The following NR5A2 variants were observed in gnomAD, a reference collection of about 807,000 sequenced individuals.
NR5A2 encodes the protein CYP7A promoter-binding factor.
Under a neutral mutation model 62.7 loss-of-function variants are expected in NR5A2, and 26 were observed. The ratio of observed to expected loss-of-function variants is 0.41; its 90% confidence interval spans 0.30 to 0.58. NR5A2 has a LOEUF of 0.58. Among genes scored for constraint, NR5A2 ranks in the 20% least tolerant of loss-of-function variants. NR5A2 has a pLI of 0.22. For synonymous variants in NR5A2, 246 were observed against 241.7 expected (o/e 1.02, Z -0.16); for missense variants, 541 against 669.1 (o/e 0.81, Z 2.11).
At chr1:200,088,050 C>T (rs966933132) in intron 5 of NR5A2, among the ~76,000 whole-genome samples, 1 of 151,982 alleles carries the variant, frequency 6.6e-6, no homozygotes, top group Admixed American at 6.6e-5. Flanking sequence ...CATGCCCGGC[C>T]CCTTGCTAAC....
intron 5 of NR5A2, among the ~76,000 whole-genome samples, chr1:200,099,716 C>T (rs1665275946): frequency 6.6e-6 from 1 of 152,164 alleles, no homozygotes; most frequent in African/African-American, 2.4e-5. Context: ...GCCTCAGCCT[C>T]CCAAATAGCT....
Position 200,048,162 on chromosome 1 carries a change from C to T in NR5A2, c.464-10C>T. The T allele has an allele frequency of 6.3e-7, 1 of 1,583,774 alleles. No individual in the cohort carries two copies. Among genetic ancestry groups the T allele is most frequent in the Non-Finnish European group, 8.6e-7 (1 of 1,163,800 alleles). On this transcript the variant is annotated splice_polypyrimidine_tract_variant and intron_variant, in intron 4 of 7. Transcript: ENST00000367362. The surrounding 1 kb of genome is among the most constrained non-coding windows in gnomAD (Gnocchi z 4.8). ...CCTTTCCTTCCTTCCCCCCACCCCA[C>T]CCCCAACAGCTGTAAGGGCCGACCG...
At chr1:200,072,243 A>G (rs1299520448) in intron 5 of NR5A2, among the ~76,000 whole-genome samples, 14 of 152,042 alleles carry the variant, frequency 9.2e-5, no homozygotes, top group Non-Finnish European at 2.1e-4. Context: ...CTTGTATTCC[A>G]GCAAGCAATT....
intron 7 of NR5A2, among the ~76,000 whole-genome samples, chr1:200,170,523 T>A (rs1654123451): frequency 6.6e-6 from 1 of 152,212 alleles, no homozygotes; most frequent in Non-Finnish European, 1.5e-5. Flanking sequence ...GGAGGTGTTA[T>A]CATTTGTATT....
At chr1:200,129,158 C>A (rs895442735) in intron 7 of NR5A2, among the ~76,000 whole-genome samples, 2 of 152,096 alleles carry the variant, frequency 1.3e-5, no homozygotes, top group Non-Finnish European at 2.9e-5. Flanking sequence ...CCAGTCAGGA[C>A]CTCTGCCCAG....
chr1:200,144,233 TCACACACACACA>T (rs60365337), intron 7 of NR5A2, among the ~76,000 whole-genome samples: 14 of 80,028 alleles, frequency 1.7e-4, no homozygotes, highest in Non-Finnish European at 3.4e-4. Context: ...TCTCTCTCTC[TCACACACACACA>T]CACACACACA....
chr1:200,128,168 G>C (rs1002125748), intron 7 of NR5A2, among the ~76,000 whole-genome samples: 6 of 152,056 alleles, frequency 3.9e-5, no homozygotes, highest in Non-Finnish European at 5.9e-5. Context: ...CCCGCAGTCG[G>C]CCCTGCAGAA....
intron 1 of NR5A2, among the ~76,000 whole-genome samples, chr1:200,034,066 A>G (rs1661647447): frequency 6.6e-6 from 1 of 152,206 alleles, no homozygotes; most frequent in South Asian, 2.1e-4. Context: ...AGTTTCCAGT[A>G]TCGCCGGATA....
At position 200,038,665 on chromosome 1, in the gene NR5A2, C is replaced by T. The variant is rs2821360; in HGVS notation, c.65-993C>T. On this transcript the variant is annotated intron_variant, in intron 1 of 7. Coordinates refer to ENST00000367362, the MANE Select transcript of NR5A2 (RefSeq NM_205860.3). ...ACACACTAGCAAGGGCACACGCCCA[C>T]CCGCGCCCCCATCCCTTCTTCTTGC... 4 of 1,349,778 alleles carry T rather than the reference C, an allele frequency of 3.0e-6. No individual in the cohort carries two copies. The East Asian group carries it at 1.8e-4, about 62-fold the overall frequency. 83.6% of individuals were successfully genotyped at this position (1,349,778 alleles called of 1,614,324 possible).
At chr1:200,091,545 C>T (rs12134309) in intron 5 of NR5A2, among the ~76,000 whole-genome samples, 9,610 of 144,696 alleles carry the variant, frequency 0.066, 424 homozygotes, top group Non-Finnish European at 0.098. Context: ...AGTGCAGTGG[C>T]GTGATCTCGG....
At position 200,048,488 on chromosome 1, in the gene NR5A2, A is replaced by C. The variant is rs1355678791; in HGVS notation, c.780A>C (p.Thr260=). Residue 260 remains threonine (T), a synonymous_variant, in exon 5 of 8, where the codon ACA becomes ACC. Transcript: ENST00000367362. The surrounding 1 kb of genome is among the most constrained non-coding windows in gnomAD (Gnocchi z 4.8). ...ACGGCAGCCTGCAAGGTTACCAAAC[A>C]TATGGCCACTTTCCTAGCCGGGCCA... ...PPHGSLQGYQ[T]YGHFPSRAIK... is the part of the protein sequence containing the mutation. 2.5e-6 allele frequency: 4 copies of C among 1,614,206 alleles called. No homozygotes were observed. Among genetic ancestry groups the C allele is most frequent in the Non-Finnish European group, 2.5e-6 (3 of 1,180,044 alleles).
intron 6 of NR5A2, among the ~76,000 whole-genome samples, chr1:200,118,691 A>C (rs1195564774): frequency 6.6e-6 from 1 of 152,254 alleles, no homozygotes; most frequent in East Asian, 1.9e-4. Context: ...GTAGTTGACT[A>C]TGTGCAGTTT....
At chr1:200,041,669 G>A (rs1176221149) in intron 2 of NR5A2, among the ~76,000 whole-genome samples, 1 of 152,070 alleles carries the variant, frequency 6.6e-6, no homozygotes. Flanking sequence ...GCGCTTCTTT[G>A]CCCCGATGAG....
At chr1:200,125,578 A>G (rs1481190650) in intron 7 of NR5A2, among the ~76,000 whole-genome samples, 2 of 152,220 alleles carry the variant, frequency 1.3e-5, no homozygotes, top group Non-Finnish European at 2.9e-5. Flanking sequence ...AGCAACGGGC[A>G]TAATTCAAGA....
chr1:200,063,275 C>T (rs763347068), intron 5 of NR5A2, among the ~76,000 whole-genome samples: 22 of 151,624 alleles, frequency 1.5e-4, no homozygotes, highest in Admixed American at 2.0e-4. Context: ...CCACCTCCCT[C>T]GGCCTCGCAA....
chr1:200,157,906 G>A (rs1653459732), intron 7 of NR5A2, among the ~76,000 whole-genome samples: 1 of 152,122 alleles, frequency 6.6e-6, no homozygotes, highest in Non-Finnish European at 1.5e-5. Flanking sequence ...GTAATAATAA[G>A]TAACAAGTAT....
intron 6 of NR5A2, among the ~76,000 whole-genome samples, chr1:200,120,603 A>G (rs1264605630): frequency 1.3e-5 from 2 of 152,192 alleles, no homozygotes; most frequent in African/African-American, 4.8e-5. Flanking sequence ...TGGGCCTGCA[A>G]TCCCAGCACT....
intron 7 of NR5A2, among the ~76,000 whole-genome samples, chr1:200,140,340 G>C (rs866800783): frequency 2.4e-4 from 36 of 152,236 alleles, no homozygotes; most frequent in African/African-American, 7.5e-4. Flanking sequence ...GCCTCCCAAA[G>C]TGCTGGGATC....
rs562720484 is a variant in NR5A2 at position 200,113,423 on chromosome 1, G to A, written c.1230+2102G>A. Among the ~76,000 whole-genome samples, 140 of 152,036 alleles carry A rather than the reference G, an allele frequency of 9.2e-4. 1 individual carries two copies. Among genetic ancestry groups the A allele is most frequent in the Non-Finnish European group, 1.8e-3 (121 of 68,018 alleles). On this transcript the variant is annotated intron_variant, in intron 6 of 7. Coordinates refer to ENST00000367362, the MANE Select transcript of NR5A2 (RefSeq NM_205860.3). ...GGTAGACATGTTTATTTTCTTTTGCGGAATATCTAGACAAAACGTTTTGAA... is the reference window on the plus strand; with the variant it reads ...GGTAGACATGTTTATTTTCTTTTGCAGAATATCTAGACAAAACGTTTTGAA...
Sources: gnomAD v4.1 joint callset for allele counts (sites outside exome capture counted in the v4.1 genomes callset) on GRCh38, gnomAD v4.1.1 for gene constraint, Gnocchi (gnomAD v3.1) non-coding constraint, MANE v1.5 for transcripts, NCBI Gene and HGNC (gene_info 2026-07-23, HGNC 2026-07-21) for gene names.